The following PDE1C variants were observed in gnomAD, a reference collection of about 807,000 sequenced individuals.
The protein encoded by PDE1C is phosphodiesterase 1C.
PDE1C carries 62 observed loss-of-function variants against 93.1 expected under a neutral mutation model. The ratio of observed to expected loss-of-function variants is 0.67; its 90% CI spans 0.54 to 0.82. PDE1C has a LOEUF of 0.82. Ranked by LOEUF, PDE1C falls within the 40% of genes least tolerant of loss-of-function variation. PDE1C has a pLI of 0.00. For synonymous variants in PDE1C, 325 were observed against 310.1 expected, an observed-to-expected ratio of 1.05 and a Z score of -0.50; for missense variants, 742 against 884.6, an observed-to-expected ratio of 0.84 and a Z score of 2.04.
At chr7:31,634,535 G>C in the PDE1C span, among the ~76,000 whole-genome samples, 1 of 152,270 alleles carries the variant, frequency 6.6e-6, no homozygotes, top group South Asian at 2.1e-4. Flanking sequence ...CTCTAAGTAG[G>C]AGAGTCAGAA....
chr7:31,722,863 G>A, the PDE1C span, among the ~76,000 whole-genome samples: 154 of 152,200 alleles, frequency 1.0e-3, 1 homozygote, highest in Non-Finnish European at 1.6e-3. Context: ...CCTCCAGTTC[G>A]TTTTCAGTTT....
chr7:32,153,028 A>G (rs1197147353), intron 3 of PDE1C, among the ~76,000 whole-genome samples: 2 of 152,212 alleles, frequency 1.3e-5, no homozygotes, highest in Admixed American at 1.3e-4. Flanking sequence ...ATATTAAGAA[A>G]GGAGGGACTA....
intron 2 of PDE1C, among the ~76,000 whole-genome samples, chr7:32,005,866 A>C (rs1469091977): frequency 6.6e-6 from 1 of 152,126 alleles, no homozygotes; most frequent in Admixed American, 6.5e-5. Flanking sequence ...CAGAATCTGC[A>C]TTTGCTACCT....
intron 1 of PDE1C, among the ~76,000 whole-genome samples, chr7:32,418,525 A>G (rs1268505583): frequency 6.6e-6 from 1 of 152,184 alleles, no homozygotes; most frequent in African/African-American, 2.4e-5. Flanking sequence ...TCAATCATTA[A>G]AAAAAGTCAC....
chr7:32,021,099 T>C (rs1032015321), intron 2 of PDE1C, among the ~76,000 whole-genome samples: 3 of 152,150 alleles, frequency 2.0e-5, no homozygotes, highest in African/African-American at 7.2e-5. Context: ...CCAGCCGTAC[T>C]GGGGCCATCC....
chr7:31,944,276 G>T, intron 2 of PDE1C, among the ~76,000 whole-genome samples: 1 of 152,234 alleles, frequency 6.6e-6, no homozygotes, highest in East Asian at 1.9e-4. Flanking sequence ...CACTCACCTG[G>T]GCCAAGCTTA....
chr7:32,115,037 A>G (rs893954892), intron 3 of PDE1C, among the ~76,000 whole-genome samples: 8 of 152,238 alleles, frequency 5.3e-5, no homozygotes, highest in African/African-American at 1.7e-4. Flanking sequence ...AAGTGCAACC[A>G]TTGTGGAAGA....
chr7:32,174,102 G>A (rs1267399501), intron 2 of PDE1C, among the ~76,000 whole-genome samples: 2 of 151,996 alleles, frequency 1.3e-5, no homozygotes, highest in Non-Finnish European at 2.9e-5. Flanking sequence ...AATGAAGTCT[G>A]GTTCTGCATT....
At chr7:32,216,829 G>A (rs1230389520) in intron 1 of PDE1C, among the ~76,000 whole-genome samples, 1 of 152,104 alleles carries the variant, frequency 6.6e-6, no homozygotes, top group Non-Finnish European at 1.5e-5. Context: ...TTGTCTCTTT[G>A]CCTTCCAAGG....
At chr7:31,626,198 A>C in the PDE1C span, among the ~76,000 whole-genome samples, 1 of 152,336 alleles carries the variant, frequency 6.6e-6, no homozygotes, top group South Asian at 2.1e-4. Context: ...TTTTTGTAAA[A>C]GCAAAGTTCT....
At chr7:32,381,494 C>G (rs535818813) in intron 1 of PDE1C, among the ~76,000 whole-genome samples, 1 of 152,076 alleles carries the variant, frequency 6.6e-6, no homozygotes, top group East Asian at 1.9e-4. Flanking sequence ...GTGCTCTAAC[C>G]CCTCCTCTCC....
chr7:31,813,901 T>A lies in PDE1C; in HGVS notation c.1813+2023A>T, dbSNP rs138213931. ...TAGTTCCCACTTATGTGTGAGAATA[T>A]ACAATGTTTGGTTTTCCATTCCTGA... On this transcript the variant is annotated intron_variant, in intron 15 of 17. Transcript: ENST00000396191. 7.1e-3 allele frequency among the ~76,000 whole-genome samples: 1,081 copies of A among 152,212 alleles called. 15 individuals are homozygous for A. Among genetic ancestry groups the A allele is most frequent in the African/African-American group, 0.025 (1,025 of 41,550 alleles).
intron 2 of PDE1C, among the ~76,000 whole-genome samples, chr7:32,006,073 G>A (rs1486964574): frequency 6.6e-6 from 1 of 151,842 alleles, no homozygotes; most frequent in East Asian, 1.9e-4. Flanking sequence ...TAAGTCTATT[G>A]TTCCTTTCTT....
At chr7:31,726,118 G>T in the PDE1C span, among the ~76,000 whole-genome samples, 2 of 152,108 alleles carry the variant, frequency 1.3e-5, no homozygotes, top group African/African-American at 4.8e-5. Flanking sequence ...GCCTTGGCTG[G>T]CGTCCACTGG....
At chr7:31,998,304 C>T (rs1472121822) in intron 2 of PDE1C, among the ~76,000 whole-genome samples, 2 of 152,154 alleles carry the variant, frequency 1.3e-5, no homozygotes, top group African/African-American at 2.4e-5. Context: ...CAAGTGTGAG[C>T]CACCACACCC....
At chr7:31,775,628 G>A (rs747880036) in intron 17 of PDE1C, 36 bp downstream of exon 17, 61 of 1,567,582 alleles carry the variant, frequency 3.9e-5, no homozygotes, top group Non-Finnish European at 5.2e-5. Context: ...CATTGTCTGT[G>A]GTCACTAAGA....
At chr7:31,851,183 T>G (rs997042870) in intron 7 of PDE1C, among the ~76,000 whole-genome samples, 1 of 151,978 alleles carries the variant, frequency 6.6e-6, no homozygotes, top group Non-Finnish European at 1.5e-5. Context: ...GGATATCCAC[T>G]AGGAAGTGGG....
At chr7:31,687,730 C>A in the PDE1C span, among the ~76,000 whole-genome samples, 1 of 152,132 alleles carries the variant, frequency 6.6e-6, no homozygotes, top group Non-Finnish European at 1.5e-5. Context: ...AAAGACGGTA[C>A]TTTTTGACCT....
chr7:31,886,362 GA>G (rs1358918034), intron 2 of PDE1C, among the ~76,000 whole-genome samples: 2 of 152,168 alleles, frequency 1.3e-5, no homozygotes, highest in African/African-American at 4.8e-5. Context: ...GCCATCCAAT[GA>G]TGTCACCCAA....
Sources: gnomAD v4.1 joint callset for allele counts (sites outside exome capture counted in the v4.1 genomes callset) on GRCh38, gnomAD v4.1.1 for gene constraint, MANE v1.5 for transcripts, NCBI Gene and HGNC (gene_info 2026-07-23, HGNC 2026-07-21) for gene names.